DAB1: variants seen among roughly 807,000 people sequenced by gnomAD.
DAB1 encodes the protein DAB adaptor protein 1, also known as disabled homolog 1.
In DAB1, 15 loss-of-function variants were observed where a neutral mutation model predicts 64.6. The observed-to-expected ratio is 0.23, with a 90% CI of 0.16 to 0.36. The LOEUF (loss-of-function observed/expected upper bound fraction) is 0.36. DAB1 is among the 10% of genes least tolerant of loss of function. The probability of loss-of-function intolerance (pLI) is 1.00; values close to 1 mark genes in which losing one functional copy is unlikely to be tolerated. For missense variants in DAB1, 596 were observed against 706.7 expected, an observed-to-expected ratio of 0.84 and a Z score of 1.78; for synonymous variants, 235 against 251.9, an observed-to-expected ratio of 0.93 and a Z score of 0.64.
chr1:57,618,951 C>A (rs1184852328), intron 7 of DAB1, among the ~76,000 whole-genome samples: 3 of 152,144 alleles, frequency 2.0e-5, no homozygotes, highest in Non-Finnish European at 4.4e-5. Flanking sequence ...ATTCCATCAT[C>A]TTTTAAAAAG....
chr1:58,019,671 C>A (rs1247727815), intron 5 of DAB1, among the ~76,000 whole-genome samples: 1 of 152,142 alleles, frequency 6.6e-6, no homozygotes, highest in Non-Finnish European at 1.5e-5. Flanking sequence ...CTAGTGAGGT[C>A]AATTTGAACC....
chr1:57,157,565 T>C (rs1382705122), intron 2 of DAB1, among the ~76,000 whole-genome samples: 1 of 131,072 alleles, frequency 7.6e-6, no homozygotes, highest in African/African-American at 3.0e-5. Context: ...GTGCATGCAC[T>C]GAGAAAGAGA....
intron 5 of DAB1, among the ~76,000 whole-genome samples, chr1:57,889,202 A>G (rs1458123409): frequency 2.0e-5 from 3 of 152,204 alleles, no homozygotes; most frequent in African/African-American, 7.2e-5. Flanking sequence ...ATCAAGAACT[A>G]CTACTGCAGT....
At chr1:58,168,355 C>G (rs548875048) in intron 4 of DAB1, among the ~76,000 whole-genome samples, 1 of 152,242 alleles carries the variant, frequency 6.6e-6, no homozygotes, top group South Asian at 2.1e-4. Flanking sequence ...GAGCGGAACT[C>G]TCAAAGTCAT....
intron 4 of DAB1, among the ~76,000 whole-genome samples, chr1:57,114,276 A>C (rs1655918201): frequency 6.6e-6 from 1 of 152,188 alleles, no homozygotes; most frequent in Non-Finnish European, 1.5e-5. Context: ...TATTAGGCTC[A>C]GAATTTTTAA....
At chr1:57,628,147 C>T (rs1424406500) in intron 7 of DAB1, among the ~76,000 whole-genome samples, 1 of 152,180 alleles carries the variant, frequency 6.6e-6, no homozygotes, top group Non-Finnish European at 1.5e-5. Context: ...TTGAGCAAGT[C>T]ACAGTCTCTC....
chr1:58,189,259 C>A (rs1056021389), intron 4 of DAB1, among the ~76,000 whole-genome samples: 2 of 152,168 alleles, frequency 1.3e-5, no homozygotes, highest in Non-Finnish European at 1.5e-5. Context: ...TCCTAGCTAT[C>A]CTTCAGCTGT....
intron 1 of DAB1, among the ~76,000 whole-genome samples, chr1:57,850,226 C>G (rs1351110513): frequency 6.6e-6 from 1 of 152,168 alleles, no homozygotes; most frequent in African/African-American, 2.4e-5. Context: ...ATTTGCACCT[C>G]AGCTCAACAA....
chr1:57,099,543 ATTAT>A (rs760391495), intron 4 of DAB1, among the ~76,000 whole-genome samples: 1 of 152,226 alleles, frequency 6.6e-6, no homozygotes, highest in Non-Finnish European at 1.5e-5. Flanking sequence ...TGATGAAGAC[ATTAT>A]TTATTTAATC....
intron 1 of DAB1, among the ~76,000 whole-genome samples, chr1:57,375,310 A>G (rs1266617782): frequency 6.6e-5 from 10 of 152,204 alleles, no homozygotes; most frequent in Admixed American, 6.5e-4. Context: ...AAGTCAGAGA[A>G]CATTATTAGA....
chr1:57,850,154 C>T (rs181952803), intron 1 of DAB1, among the ~76,000 whole-genome samples: 4 of 152,244 alleles, frequency 2.6e-5, no homozygotes, highest in Admixed American at 6.5e-5. Flanking sequence ...GACAGAGGGG[C>T]TGAGGGTCTT....
chr1:57,957,342 G>A (rs1367915474), intron 5 of DAB1, among the ~76,000 whole-genome samples: 1 of 152,134 alleles, frequency 6.6e-6, no homozygotes, highest in Non-Finnish European at 1.5e-5. Flanking sequence ...AAGCCCAAAG[G>A]TTTCAGCCTA....
intron 5 of DAB1, among the ~76,000 whole-genome samples, chr1:58,122,579 C>G (rs1184294699): frequency 6.7e-6 from 1 of 149,672 alleles, no homozygotes; most frequent in African/African-American, 2.5e-5. Flanking sequence ...TGCATCCTCA[C>G]AACTGGGTTA....
At chr1:58,254,483 G>A (rs1352726788) in intron 4 of DAB1, among the ~76,000 whole-genome samples, 6 of 130,040 alleles carry the variant, frequency 4.6e-5, no homozygotes, top group Non-Finnish European at 6.4e-5. Flanking sequence ...ATGCTGGTGC[G>A]CTGCACCCAC....
intron 1 of DAB1, among the ~76,000 whole-genome samples, chr1:57,850,603 T>G (rs114566361): frequency 1.3e-5 from 2 of 152,164 alleles, no homozygotes; most frequent in Non-Finnish European, 2.9e-5. Flanking sequence ...TCCCCTCCCA[T>G]GTCCTGTGGA....
At chr1:57,068,696 G>T (rs934161182) in intron 8 of DAB1, among the ~76,000 whole-genome samples, 2 of 152,160 alleles carry the variant, frequency 1.3e-5, no homozygotes, top group Non-Finnish European at 2.9e-5. Context: ...GAAGACCATG[G>T]CAGAAGGAGG....
intron 2 of DAB1, among the ~76,000 whole-genome samples, chr1:57,257,596 G>T (rs895134661): frequency 6.6e-6 from 1 of 152,066 alleles, no homozygotes; most frequent in African/African-American, 2.4e-5. Flanking sequence ...ATTTGTATTT[G>T]TCTCCTATGT....
chr1:57,555,025 ATTTTTTTTTTTTT>A (rs34370854), intron 7 of DAB1, among the ~76,000 whole-genome samples: 16 of 68,448 alleles, frequency 2.3e-4, no homozygotes, highest in Non-Finnish European at 3.9e-4. Context: ...CGGTATCTCT[ATTTTTTTTTTTTT>A]TTTTTTTTTT....
chr1:58,119,227 T>C (rs200592461), intron 5 of DAB1, among the ~76,000 whole-genome samples: 15 of 8,842 alleles, frequency 1.7e-3, no homozygotes, highest in East Asian at 3.2e-3. Flanking sequence ...TGTGTGTGCG[T>C]GTGTGTGTGT....
Sources: gnomAD v4.1 joint callset for allele counts (sites outside exome capture counted in the v4.1 genomes callset) on GRCh38, gnomAD v4.1.1 for gene constraint, MANE v1.5 for transcripts, NCBI Gene and HGNC (gene_info 2026-07-23, HGNC 2026-07-21) for gene names.